EEA1: variants seen among roughly 807,000 people sequenced by gnomAD.
EEA1 encodes early endosome antigen 1, 162kD.
EEA1 carries 111 observed loss-of-function variants against 209.2 expected under a neutral mutation model. The ratio of observed to expected loss-of-function variants is 0.53; its 90% confidence interval spans 0.45 to 0.62. EEA1 has a LOEUF of 0.62. Among genes scored for constraint, EEA1 ranks in the 20% least tolerant of loss-of-function variants. EEA1 has a pLI of 0.00. For synonymous variants in EEA1, 536 were observed against 540.6 expected (o/e 0.99, Z 0.12); for missense variants, 1,343 against 1,530.8 (o/e 0.88, Z 2.05).
intron 1 of EEA1, among the ~76,000 whole-genome samples, chr12:92,915,698 T>C (rs759632941): frequency 6.6e-6 from 1 of 152,224 alleles, no homozygotes; most frequent in Non-Finnish European, 1.5e-5. Context: ...ATCTCTCTGA[T>C]AACAATTAAG....
chr12:92,785,910 C>T (rs1874112150), intron 22 of EEA1, among the ~76,000 whole-genome samples: 1 of 152,096 alleles, frequency 6.6e-6, no homozygotes, highest in South Asian at 2.1e-4. Context: ...TATTAGTACA[C>T]AACATAGCTT....
Position 92,861,315 on chromosome 12 carries a change from C to A in EEA1, c.245+3545G>T, listed in dbSNP as rs567318805. On this transcript the variant is annotated intron_variant, in intron 3 of 28. Transcript: ENST00000322349. ...TACTAAAAATACAAAATTAGCCGGG[C>A]GTGGTGGCGCATGCCTGTATTCCCA... 3.3e-5 allele frequency among the ~76,000 whole-genome samples: 5 copies of A among 151,800 alleles called. No homozygotes were observed. The East Asian group carries it at 9.7e-4, about 29-fold the overall frequency.
At chr12:92,926,770 C>A (rs1881232495) in intron 1 of EEA1, among the ~76,000 whole-genome samples, 1 of 152,252 alleles carries the variant, frequency 6.6e-6, no homozygotes, top group Non-Finnish European at 1.5e-5. Context: ...ATTTGCTGTT[C>A]CCTCTGCCTG....
At chr12:92,819,879 T>C (rs2136681801) in intron 13 of EEA1, among the ~76,000 whole-genome samples, 1 of 152,252 alleles carries the variant, frequency 6.6e-6, no homozygotes, top group East Asian at 1.9e-4. Flanking sequence ...TCCTTTTGCC[T>C]GGAACTCTTC....
intron 15 of EEA1, among the ~76,000 whole-genome samples, chr12:92,814,701 T>C (rs533573956): frequency 2.0e-4 from 30 of 152,312 alleles, no homozygotes; most frequent in African/African-American, 7.0e-4. Flanking sequence ...GCTACAATTG[T>C]TGCAACTTTT....
chr12:92,929,188 C>A lies in EEA1; in HGVS notation c.-122G>T. ...GAGGGGACCGGGAAGGAGGTCGGGG[C>A]GAGGCGGTGGCGACGGCCGCTCGGG... On this transcript the variant is annotated 5_prime_UTR_variant, in exon 1 of 29. Transcript: ENST00000322349. 1.9e-6 allele frequency: 2 copies of A among 1,038,580 alleles called. No individual in the cohort carries two copies. Among genetic ancestry groups the A allele is most frequent in the Non-Finnish European group, 2.7e-6 (2 of 738,402 alleles). 64.3% of individuals were successfully genotyped at this position (1,038,580 alleles called of 1,614,324 possible).
Position 92,801,668 on chromosome 12 carries a change from G to C in EEA1, c.2704C>G (p.Gln902Glu), listed in dbSNP as rs1318984088. Reference protein sequence around the residue: ...KTCKELKHQLQVQMENTLKEQ... With the variant: ...KTCKELKHQLEVQMENTLKEQ... ...TTAAGTGTGTTTTCCATCTGCACTT[G>C]AAGTTGATGCTTTAATTCTTTGCAA... is the stretch of plus-strand genomic sequence containing the variant. The change falls in exon 20 of 29, where the codon CAA (glutamine) becomes GAA (glutamate). Residue 902 changes from glutamine to glutamate, a missense_variant. Coordinates refer to ENST00000322349, the MANE Select transcript of EEA1 (RefSeq NM_003566.4). 2 of 1,594,924 alleles carry C rather than the reference G, an allele frequency of 1.3e-6. No individual in the cohort carries two copies. The highest frequency in any genetic ancestry group is 1.7e-6 in the Non-Finnish European group (2 of 1,172,994).
At chr12:92,879,083 T>A (rs991681251) in intron 2 of EEA1, among the ~76,000 whole-genome samples, 1 of 152,090 alleles carries the variant, frequency 6.6e-6, no homozygotes, top group Non-Finnish European at 1.5e-5. Context: ...AATTACAGAC[T>A]GATATCCCTC....
At chr12:92,892,232 A>C (rs1279114719) in intron 1 of EEA1, among the ~76,000 whole-genome samples, 1 of 152,102 alleles carries the variant, frequency 6.6e-6, no homozygotes, top group Non-Finnish European at 1.5e-5. Context: ...CTGGGACCAC[A>C]GGTGCACACC....
At chr12:92,805,023 C>G (rs1447422395) in intron 18 of EEA1, among the ~76,000 whole-genome samples, 1 of 152,104 alleles carries the variant, frequency 6.6e-6, no homozygotes, top group East Asian at 1.9e-4. Flanking sequence ...AATTCTGAAC[C>G]ATGAGATTAG....
At chr12:92,849,986 A>G (rs1444110249) in intron 9 of EEA1, among the ~76,000 whole-genome samples, 1 of 152,214 alleles carries the variant, frequency 6.6e-6, no homozygotes, top group Admixed American at 6.5e-5. Context: ...AGGATTTTTA[A>G]GCACATTTAT....
chr12:92,922,786 CT>C (rs1881054621), intron 1 of EEA1, among the ~76,000 whole-genome samples: 1 of 151,434 alleles, frequency 6.6e-6, no homozygotes, highest in Non-Finnish European at 1.5e-5. Flanking sequence ...AACCCCATCT[CT>C]ACTAAAAATA....
intron 2 of EEA1, among the ~76,000 whole-genome samples, chr12:92,882,387 A>G (rs1249432941): frequency 1.3e-5 from 2 of 151,274 alleles, no homozygotes; most frequent in Non-Finnish European, 2.9e-5. Context: ...GATTACAGGC[A>G]TGAGTCACCG....
intron 2 of EEA1, among the ~76,000 whole-genome samples, chr12:92,866,498 C>T (rs1453766456): frequency 6.6e-6 from 1 of 151,532 alleles, no homozygotes; most frequent in East Asian, 1.9e-4. Context: ...GAATGTACAG[C>T]TTTTACATAT....
rs190954649 is a variant in EEA1 at position 92,860,512 on chromosome 12, C to G, written c.246-3027G>C. 1.8e-4 allele frequency among the ~76,000 whole-genome samples: 27 copies of G among 152,246 alleles called. No homozygotes were observed. The East Asian group carries it at 5.0e-3, about 28-fold the overall frequency. The stretch of plus-strand genomic sequence containing the variant: ...GGGTATGGCCTTAAGTACAGTGAAG[C>G]TATCACCTCAAATGGCAGCTTTAAA... On this transcript the variant is annotated intron_variant, in intron 3 of 28. Transcript: ENST00000322349.
At position 92,807,176 on chromosome 12, in the gene EEA1, A is replaced by G. The variant is rs561298888; in HGVS notation, c.2339+1841T>C. ...ACCCTGTTGGCCAGGCTGGTCTCGA[A>G]CTCCTGACTTCAGATGATCTGCCTG... On this transcript the variant is annotated intron_variant, in intron 18 of 28. Transcript: ENST00000322349. Among the ~76,000 whole-genome samples, 10 of 151,986 alleles carry G rather than the reference A, an allele frequency of 6.6e-5. No homozygotes were observed. The South Asian group carries it at 2.1e-3, about 32-fold the overall frequency.
At chr12:92,911,556 C>T (rs978381363) in intron 1 of EEA1, among the ~76,000 whole-genome samples, 2 of 152,276 alleles carry the variant, frequency 1.3e-5, no homozygotes, top group Admixed American at 6.5e-5. Context: ...GGTATTATAA[C>T]GGTAGATACT....
chr12:92,846,262 C>T (rs1325156039), intron 9 of EEA1, among the ~76,000 whole-genome samples: 1 of 152,034 alleles, frequency 6.6e-6, no homozygotes, highest in African/African-American at 2.4e-5. Context: ...ATCACATTAC[C>T]TCAAGTTTAA....
In EEA1 at chr12:92,864,724, G is replaced by A. The variant is rs1425100085; in HGVS notation, c.245+136C>T. Reference sequence around the variant, plus strand: ...TAGTTTTTAACAATAGTGGAGGAAGGATATGCTAAATGATGACAGATTTAA... The same window carrying A: ...TAGTTTTTAACAATAGTGGAGGAAGAATATGCTAAATGATGACAGATTTAA... On this transcript the variant is annotated intron_variant, in intron 3 of 28. Coordinates refer to ENST00000322349, the MANE Select transcript of EEA1 (RefSeq NM_003566.4). 1.7e-5 allele frequency: 14 copies of A among 824,302 alleles called. No homozygotes were observed. In the South Asian group the frequency reaches 2.1e-4, roughly 12 times the overall value. 51.1% of individuals were successfully genotyped at this position (824,302 alleles called of 1,614,324 possible). A position where few individuals can be genotyped will look rare whatever the true frequency, so the allele number is the denominator to read the frequency against.
Sources: allele counts gnomAD v4.1 joint callset (sites outside exome capture counted in the v4.1 genomes callset), GRCh38; gene constraint gnomAD v4.1.1; transcripts MANE v1.5; gene names NCBI Gene and HGNC (gene_info 2026-07-23, HGNC 2026-07-21).